Variants in CCDC149 observed in about 807,000 individuals in gnomAD.
CCDC149 encodes the protein coiled-coil domain containing 149, also known as coiled-coil domain-containing protein 149.
Under a neutral mutation model 59.9 loss-of-function variants are expected in CCDC149, and 45 were observed. That is an observed-to-expected ratio of 0.75 (90% CI 0.59 to 0.96). The LOEUF is 0.96. Among genes scored for constraint, CCDC149 ranks in the 40% least tolerant of loss-of-function variants. CCDC149 has a pLI of 0.00. For missense variants in CCDC149, 584 were observed against 664.7 expected (o/e 0.88, Z 1.33); for synonymous variants, 245 against 260.6 (o/e 0.94, Z 0.58).
chr4:24,887,338 C>T (rs1004754478), intron 1 of CCDC149, among the ~76,000 whole-genome samples: 17 of 151,990 alleles, frequency 1.1e-4, no homozygotes, highest in African/African-American at 1.9e-4. Flanking sequence ...CCTGGTCCTT[C>T]GCGATTTTTA....
Position 24,912,863 on chromosome 4 carries a change from A to G in CCDC149, c.17T>C (p.Met6Thr). The G allele has an allele frequency of 7.3e-7, 1 of 1,375,408 alleles. No homozygotes were observed. The highest frequency in any genetic ancestry group is 1.4e-5 in the South Asian group (1 of 70,364). The allele number at this position is 1,375,408 out of a possible 1,614,324, so 85.2% of individuals were successfully genotyped here. Residue 6 changes from methionine to threonine, a missense_variant, in exon 1 of 13, where the codon ATG (methionine) becomes ACG (threonine). Met to Thr is a moderately conservative substitution (Grantham distance 81). Coordinates refer to ENST00000635206, the MANE Select transcript of CCDC149 (RefSeq NM_001330643.2). ...GTCGCTCTCAGTCCGGTCGCCGTTC[A>G]TGGCCTCCTCCTCCATGCGCTGGCC... is the stretch of plus-strand genomic sequence containing the variant.
At chr4:24,965,258 C>T (rs753226689) in intron 1 of CCDC149, among the ~76,000 whole-genome samples, 3 of 150,794 alleles carry the variant, frequency 2.0e-5, no homozygotes, top group Non-Finnish European at 2.9e-5. Context: ...AATTAGTGTA[C>T]GTAGAGAAAA....
chr4:24,952,136 C>T (rs2109355286), intron 1 of CCDC149, among the ~76,000 whole-genome samples: 1 of 152,272 alleles, frequency 6.6e-6, no homozygotes, highest in Non-Finnish European at 1.5e-5. Flanking sequence ...AACCCCACTC[C>T]TCTGGAAGCA....
chr4:24,964,918 T>A (rs1157649694), intron 1 of CCDC149, among the ~76,000 whole-genome samples: 1 of 144,380 alleles, frequency 6.9e-6, no homozygotes, highest in Admixed American at 7.0e-5. Context: ...CAGAAAGAAC[T>A]GTACTTGCTT....
At chr4:24,968,465 T>A (rs1254409261) in intron 1 of CCDC149, among the ~76,000 whole-genome samples, 1 of 151,658 alleles carries the variant, frequency 6.6e-6, no homozygotes, top group Non-Finnish European at 1.5e-5. Flanking sequence ...AGCAGCAGAG[T>A]ACGCTGAGTA....
At chr4:24,878,235 A>T in intron 1 of CCDC149, among the ~76,000 whole-genome samples, 1 of 147,312 alleles carries the variant, frequency 6.8e-6, no homozygotes, top group East Asian at 2.0e-4. Context: ...AAAAAAAAAA[A>T]AAAGAAAGTA....
At position 24,819,991 on chromosome 4, in the gene CCDC149, G is replaced by T; in HGVS notation, c.1076-16C>A. 1.3e-6 allele frequency: 2 copies of T among 1,531,192 alleles called. No individual in the cohort carries two copies. The highest frequency in any genetic ancestry group is 1.7e-4 in the Middle Eastern group (1 of 5,892). The allele number at this position is 1,531,192 out of a possible 1,614,324, so 94.9% of individuals were successfully genotyped here. A position where few individuals can be genotyped will look rare whatever the true frequency, so the allele number is the denominator to read the frequency against. Reference sequence around the variant, plus strand: ...TCCTTGCCCCCTGTTGCAGAAAAGAGGAAAATGGATGTCTTATATCATCAG... The same window carrying T: ...TCCTTGCCCCCTGTTGCAGAAAAGATGAAAATGGATGTCTTATATCATCAG... On this transcript the variant is annotated splice_polypyrimidine_tract_variant and intron_variant, in intron 11 of 12. Coordinates refer to ENST00000635206, the MANE Select transcript of CCDC149 (RefSeq NM_001330643.2).
chr4:24,964,032 G>A (rs111270133), intron 1 of CCDC149, among the ~76,000 whole-genome samples: 37 of 152,020 alleles, frequency 2.4e-4, no homozygotes, highest in African/African-American at 8.2e-4. Flanking sequence ...CTATCTCTAC[G>A]AAAAATTTTT....
In CCDC149 at chr4:24,806,231, G is replaced by A. The variant is rs552550089; in HGVS notation, c.*2158C>T. Reference sequence around the variant, plus strand: ...ATGGGGTGTTATCAGGGTTATATCTGTGACAGGATCAACTAACTTACTGGC... The same window carrying A: ...ATGGGGTGTTATCAGGGTTATATCTATGACAGGATCAACTAACTTACTGGC... On this transcript the variant is annotated 3_prime_UTR_variant, in exon 13 of 13. Coordinates refer to ENST00000635206, the MANE Select transcript of CCDC149 (RefSeq NM_001330643.2). 3 of 152,336 alleles carry A rather than the reference G, an allele frequency of 2.0e-5. No homozygotes were observed. The highest frequency in any genetic ancestry group is 7.2e-5 in the African/African-American group (3 of 41,560). 9.4% of individuals were successfully genotyped at this position (152,336 alleles called of 1,614,324 possible). A position where few individuals can be genotyped will look rare whatever the true frequency, so the allele number is the denominator to read the frequency against.
chr4:24,890,153 C>A (rs4697491), intron 1 of CCDC149, among the ~76,000 whole-genome samples: 28,265 of 152,114 alleles, frequency 0.19, 2,793 homozygotes, highest in South Asian at 0.28. Context: ...ACCACAGGGA[C>A]CACAAGAAGC....
downstream of CCDC149, among the ~76,000 whole-genome samples, chr4:24,804,357 G>T (rs548827302): frequency 1.4e-4 from 22 of 151,946 alleles, no homozygotes; most frequent in African/African-American, 4.6e-4. Flanking sequence ...CAGGCATGGT[G>T]GTGCATGCCT....
intron 1 of CCDC149, among the ~76,000 whole-genome samples, chr4:24,940,289 C>T (rs1265805053): frequency 6.6e-6 from 1 of 152,082 alleles, no homozygotes; most frequent in Non-Finnish European, 1.5e-5. Context: ...CATATCCAGC[C>T]AAACTAAGCT....
chr4:24,815,744 C>T (rs1249902887), intron 12 of CCDC149, among the ~76,000 whole-genome samples: 2 of 152,134 alleles, frequency 1.3e-5, no homozygotes, highest in Non-Finnish European at 2.9e-5. Context: ...TGTGCCATTT[C>T]GTTAGATGAC....
At chr4:24,931,310 A>AATATATATATATATATAT (rs71187200) in intron 1 of CCDC149, among the ~76,000 whole-genome samples, 3,030 of 137,814 alleles carry the variant, frequency 0.022, 47 homozygotes, top group Non-Finnish European at 0.036. Flanking sequence ...TTTATTTTAA[A>AATATATATATATATATAT]ATATATATAT....
intron 9 of CCDC149, 105 bp from the exon 10 acceptor site, chr4:24,822,678 T>C (rs1191182266): frequency 2.9e-6 from 2 of 696,034 alleles, no homozygotes; most frequent in East Asian, 6.0e-5. Flanking sequence ...AGATTTATGA[T>C]ATATGCAAAA....
chr4:24,811,588 T>G (rs1290720055), intron 12 of CCDC149, among the ~76,000 whole-genome samples: 1 of 152,250 alleles, frequency 6.6e-6, no homozygotes, highest in Admixed American at 6.5e-5. Context: ...AAAATTTCAC[T>G]GGGGCCAGGC....
chr4:24,978,024 C>G (rs532707745), intron 1 of CCDC149, among the ~76,000 whole-genome samples: 1 of 152,280 alleles, frequency 6.6e-6, no homozygotes, highest in East Asian at 1.9e-4. Flanking sequence ...CCCAGCTACT[C>G]AGGAAACCGA....
At chr4:24,876,299 AC>A (rs1719424979) in intron 2 of CCDC149, among the ~76,000 whole-genome samples, 1 of 69,184 alleles carries the variant, frequency 1.4e-5, no homozygotes, top group Non-Finnish European at 3.0e-5. Flanking sequence ...ACGTACACAC[AC>A]ACACACACAC....
chr4:24,952,614 AAAAAAAAAAAAAATATATATATATATAT>A (rs1723333003), intron 1 of CCDC149, among the ~76,000 whole-genome samples: 2 of 37,910 alleles, frequency 5.3e-5, no homozygotes, highest in African/African-American at 1.1e-4. Flanking sequence ...AAAAAAAAAA[AAAAAAAAAAAAAATATATATATATATAT>A]ATATATATAT....
Sources: allele counts gnomAD v4.1 joint callset (sites outside exome capture counted in the v4.1 genomes callset), GRCh38; gene constraint gnomAD v4.1.1; transcripts MANE v1.5; gene names NCBI Gene and HGNC (gene_info 2026-07-23, HGNC 2026-07-21).